Variants in KCNMA1 observed in about 807,000 individuals in gnomAD.
KCNMA1 encodes the protein Calcium-activated potassium channel subunit alpha-1.
A neutral mutation model predicts 140.0 loss-of-function variants in KCNMA1; 29 were observed. The observed-to-expected ratio is 0.21, with a 90% CI of 0.15 to 0.28. The LOEUF (loss-of-function observed/expected upper bound fraction) is 0.28. KCNMA1 is among the 10% of genes least tolerant of loss of function. KCNMA1 has a pLI of 1.00. For missense variants in KCNMA1, 880 were observed against 1,602.2 expected (o/e 0.55, Z 7.70); for synonymous variants, 612 against 611.9 (o/e 1.00, Z 0.00).
chr10:77,039,396 G>A (rs1331496573), intron 15 of KCNMA1, 132 bp downstream of exon 15: 9 of 711,278 alleles, frequency 1.3e-5, no homozygotes, highest in Non-Finnish European at 2.1e-5. Flanking sequence ...ATCACATGGG[G>A]CCGAGCACAC....
At chr10:77,191,777 A>G (rs914877509) in intron 3 of KCNMA1, among the ~76,000 whole-genome samples, 4 of 152,146 alleles carry the variant, frequency 2.6e-5, no homozygotes, top group Admixed American at 1.3e-4. Flanking sequence ...ATGTAAATAG[A>G]AAACAGTTTT....
chr10:77,200,456 T>C (rs2042093501), intron 3 of KCNMA1, among the ~76,000 whole-genome samples: 1 of 152,198 alleles, frequency 6.6e-6, no homozygotes, highest in Admixed American at 6.5e-5. Context: ...TATCTTAATA[T>C]CCTGGGAAAT....
rs1255566691 is a variant in KCNMA1 at position 76,936,220 on chromosome 10, C to T, written c.2902+8553G>A. ...GAAATGTAACAGGGCAGGCCCCTTTCTGTACTTGAGATCTGCTCAGAGCCC... is the reference window on the plus strand; with the variant it reads ...GAAATGTAACAGGGCAGGCCCCTTTTTGTACTTGAGATCTGCTCAGAGCCC... On this transcript the variant is annotated intron_variant, in intron 23 of 27. Coordinates refer to ENST00000286628, the MANE Select transcript of KCNMA1 (RefSeq NM_001161352.2). Among the ~76,000 whole-genome samples, 5 of 152,326 alleles carry T rather than the reference C, an allele frequency of 3.3e-5. No individual in the cohort carries two copies. In the East Asian group the frequency reaches 9.7e-4, roughly 29 times the overall value.
Position 76,958,398 on chromosome 10 carries a change from G to T in KCNMA1, c.2361-4474C>A, listed in dbSNP as rs193197664. Among the ~76,000 whole-genome samples the T allele has an allele frequency of 5.5e-4, 84 of 152,098 alleles. 2 individuals are homozygous for T. The highest frequency in any genetic ancestry group is 4.4e-5 in the Non-Finnish European group (3 of 68,026). ...AATTCAAGGCTCACTTGTCACTTGC[G>T]ACTTAGCCAATGTACATGCCCTATT... On this transcript the variant is annotated intron_variant, in intron 20 of 27. Transcript: ENST00000286628.
At chr10:77,301,665 A>C (rs2076555974) in intron 2 of KCNMA1, among the ~76,000 whole-genome samples, 1 of 152,070 alleles carries the variant, frequency 6.6e-6, no homozygotes, top group South Asian at 2.1e-4. Flanking sequence ...GCACTGGAGA[A>C]TTAGTGAGTT....
intron 6 of KCNMA1, among the ~76,000 whole-genome samples, 176 bp downstream of exon 6, chr10:77,120,797 C>T (rs1373615803): frequency 1.3e-5 from 2 of 152,176 alleles, no homozygotes; most frequent in African/African-American, 4.8e-5. Context: ...CCTGGCCCTG[C>T]AGAAGAGAGC....
At chr10:77,605,068 C>T (rs1343662741) in intron 1 of KCNMA1, among the ~76,000 whole-genome samples, 1 of 152,262 alleles carries the variant, frequency 6.6e-6, no homozygotes. Context: ...TAACAGCAGA[C>T]ACCCAGTGGC....
At chr10:77,042,420 A>G (rs2094780681) in intron 14 of KCNMA1, among the ~76,000 whole-genome samples, 1 of 152,224 alleles carries the variant, frequency 6.6e-6, no homozygotes, top group Non-Finnish European at 1.5e-5. Flanking sequence ...AACAGTATTA[A>G]CATAATTTGT....
At chr10:76,989,974 T>C (rs2082298043) in intron 19 of KCNMA1, among the ~76,000 whole-genome samples, 1 of 152,218 alleles carries the variant, frequency 6.6e-6, no homozygotes, top group Non-Finnish European at 1.5e-5. Flanking sequence ...TAATGAAGGA[T>C]GATAAAAATA....
intron 9 of KCNMA1, among the ~76,000 whole-genome samples, chr10:77,102,063 A>G (rs1564544824): frequency 6.6e-6 from 1 of 152,216 alleles, no homozygotes; most frequent in African/African-American, 2.4e-5. Flanking sequence ...GCTGTGGTAT[A>G]GTTGGAGATT....
intron 2 of KCNMA1, among the ~76,000 whole-genome samples, chr10:77,339,558 G>A (rs1393760522): frequency 6.6e-6 from 1 of 152,218 alleles, no homozygotes; most frequent in Non-Finnish European, 1.5e-5. Flanking sequence ...GCTTGACTCA[G>A]AATGGTGCCT....
chr10:77,541,763 G>A (rs1330852241), intron 1 of KCNMA1, among the ~76,000 whole-genome samples: 1 of 152,142 alleles, frequency 6.6e-6, no homozygotes, highest in African/African-American at 2.4e-5. Context: ...GGAACTCAAA[G>A]AAAAGGCCAG....
intron 22 of KCNMA1, chr10:76,948,849 G>C (rs978672847): frequency 2.1e-6 from 1 of 478,510 alleles, no homozygotes; most frequent in Admixed American, 3.3e-5. Context: ...AATGCTCTAG[G>C]TTTTGTATAG....
At chr10:77,045,226 A>G (rs994254714) in intron 14 of KCNMA1, among the ~76,000 whole-genome samples, 62 of 152,372 alleles carry the variant, frequency 4.1e-4, no homozygotes, top group African/African-American at 1.4e-3. Context: ...AAAAAAATGA[A>G]GGAATGGGAC....
At chr10:77,369,249 A>G (rs1361848807) in intron 2 of KCNMA1, among the ~76,000 whole-genome samples, 2 of 152,160 alleles carry the variant, frequency 1.3e-5, no homozygotes, top group Non-Finnish European at 2.9e-5. Context: ...ATTTCCCTGT[A>G]CATTAGAGTC....
chr10:76,922,503 T>A (rs187610162), intron 23 of KCNMA1, among the ~76,000 whole-genome samples: 43 of 152,190 alleles, frequency 2.8e-4, no homozygotes, highest in Admixed American at 2.2e-3. Context: ...CCTGGCCACA[T>A]CATCAGTTTA....
chr10:77,436,694 C>T (rs539161401), intron 1 of KCNMA1, among the ~76,000 whole-genome samples: 2 of 152,332 alleles, frequency 1.3e-5, no homozygotes, highest in South Asian at 4.1e-4. Context: ...CAGCACATGA[C>T]ATGGAACTTC....
Position 77,043,718 on chromosome 10 carries a change from G to A in KCNMA1, c.1750-4081C>T, listed in dbSNP as rs76216113. ...CATGGATGACCCTTGAAGGCATTAC[G>A]CTAATTGAAATAACCCAATCAAAAA... is the stretch of plus-strand genomic sequence containing the variant. On this transcript the variant is annotated intron_variant, in intron 14 of 27. Coordinates refer to ENST00000286628, the MANE Select transcript of KCNMA1 (RefSeq NM_001161352.2). Among the ~76,000 whole-genome samples, 1,045 of 152,268 alleles carry A rather than the reference G, an allele frequency of 6.9e-3. 8 individuals carry two copies. The highest frequency in any genetic ancestry group is 0.024 in the African/African-American group (997 of 41,554).
chr10:77,027,940 A>G (rs989798235), intron 15 of KCNMA1, 49 bp from the exon 16 acceptor site: 1 of 1,482,074 alleles, frequency 6.7e-7, no homozygotes, highest in Non-Finnish European at 9.4e-7. Flanking sequence ...GAATGACCAG[A>G]GCCACATAAC....
Sources: gnomAD v4.1 joint callset for allele counts (sites outside exome capture counted in the v4.1 genomes callset) on GRCh38, gnomAD v4.1.1 for gene constraint, MANE v1.5 for transcripts, NCBI Gene and HGNC (gene_info 2026-07-23, HGNC 2026-07-21) for gene names.